The following DMRT2 variants were observed in gnomAD, a reference collection of about 807,000 sequenced individuals.
DMRT2 encodes doublesex- and mab-3-related transcription factor 2.
In DMRT2, 33 loss-of-function variants were observed where a neutral mutation model predicts 43.5. That is an observed-to-expected ratio of 0.76 (90% confidence interval 0.58 to 1.01). DMRT2 has a LOEUF of 1.01. DMRT2 is among the 50% of genes least tolerant of loss of function. DMRT2 has a pLI of 0.00. For missense variants in DMRT2, 1,064 were observed against 748.0 expected, an observed-to-expected ratio of 1.42 and a Z score of -4.93; for synonymous variants, 395 against 309.2, an observed-to-expected ratio of 1.28 and a Z score of -2.91.
At position 1,051,673 on chromosome 9, in the gene DMRT2, G is replaced by A. The variant is rs1186897818; in HGVS notation, c.60G>A (p.Leu20=). ...ACTGGGAGATCGATGTCGAGAGCCT[G>A]GAGCTGGAAGAGGACGTCTGCGGGG... ...AGDWEIDVES[L]ELEEDVCGAP... Residue 20 remains leucine, a synonymous_variant, in exon 2 of 4, where the codon CTG becomes CTA. Coordinates refer to ENST00000358146, the MANE Select transcript of DMRT2 (RefSeq NM_181872.6). This position sits in a 1 kb window ranked among gnomAD's most constrained non-coding sequence, Gnocchi z 5.9. 2.5e-6 allele frequency: 4 copies of A among 1,570,534 alleles called. No homozygotes were observed. Among genetic ancestry groups the A allele is most frequent in the Middle Eastern group, 1.7e-4 (1 of 5,972 alleles).
At chr9:1,053,626 G>A in intron 2 of DMRT2, 96 bp from the exon 3 acceptor site, 4 of 1,031,864 alleles carry the variant, frequency 3.9e-6, no homozygotes, top group East Asian at 2.4e-5. Context: ...TTAGAAGGGG[G>A]AGAGTTTCTA....
Position 1,057,352 on chromosome 9 carries a change from G to A in DMRT2, c.*79G>A. 1.4e-6 allele frequency: 2 copies of A among 1,447,664 alleles called. No individual in the cohort carries two copies. The highest frequency in any genetic ancestry group is 1.8e-6 in the Non-Finnish European group (2 of 1,088,050). 89.7% of individuals were successfully genotyped at this position (1,447,664 alleles called of 1,614,324 possible). On this transcript the variant is annotated 3_prime_UTR_variant, in exon 4 of 4. Transcript: ENST00000358146. Reference sequence around the variant, plus strand: ...ATTTGCTACTTTTTTTAAAAGTTAAGATGTTTGTGTAAAGAAATTTCTAAT... The same window carrying A: ...ATTTGCTACTTTTTTTAAAAGTTAAAATGTTTGTGTAAAGAAATTTCTAAT...
intron 2 of DMRT2, among the ~76,000 whole-genome samples, chr9:1,052,633 T>A (rs1821680034): frequency 6.6e-6 from 1 of 151,982 alleles, no homozygotes; most frequent in South Asian, 2.1e-4. Context: ...ATTTTATGGA[T>A]GAGACACAAA....
In DMRT2 at chr9:1,057,516, A is replaced by G. The variant is rs953265783; in HGVS notation, c.*243A>G. The G allele has an allele frequency of 8.2e-5, 35 of 429,384 alleles. No homozygotes were observed. Among genetic ancestry groups the G allele is most frequent in the Non-Finnish European group, 1.3e-4 (31 of 245,260 alleles). 26.6% of individuals were successfully genotyped at this position (429,384 alleles called of 1,614,324 possible). ...ACCACACTTTACACAGCATTTCAAAAAGCAATAAAATTGACACTGTCTTCT... is the reference window on the plus strand; with the variant it reads ...ACCACACTTTACACAGCATTTCAAAGAGCAATAAAATTGACACTGTCTTCT... On this transcript the variant is annotated 3_prime_UTR_variant, in exon 4 of 4. Coordinates refer to ENST00000358146, the MANE Select transcript of DMRT2 (RefSeq NM_181872.6).
At chr9:1,053,626 G>C (rs1244656736) in intron 2 of DMRT2, 96 bp from the exon 3 acceptor site, 1 of 1,031,746 alleles carries the variant, frequency 9.7e-7, no homozygotes, top group African/African-American at 1.6e-5. Context: ...TTAGAAGGGG[G>C]AGAGTTTCTA....
rs746436667 is a variant in DMRT2, at chr9:1,057,127, T to G, written c.1540T>G (p.Tyr514Asp). ...RECLVKDNQKYTFTIDRCAKD... is the reference protein window; with the variant it reads ...RECLVKDNQKDTFTIDRCAKD... Reference sequence around the variant, plus strand: ...GTGTTTAGTTAAGGACAACCAGAAGTACACATTTACAATAGATAGATGTGC... The same window carrying G: ...GTGTTTAGTTAAGGACAACCAGAAGGACACATTTACAATAGATAGATGTGC... The change falls in exon 4 of 4, where the codon TAC becomes GAC. Residue 514 changes from tyrosine to aspartate, a missense_variant. Transcript: ENST00000358146. The G allele has an allele frequency of 6.2e-7, 1 of 1,614,028 alleles. No homozygotes were observed. The highest frequency in any genetic ancestry group is 1.1e-5 in the South Asian group (1 of 91,074).
At chr9:1,053,938 T>C in intron 3 of DMRT2, 114 bp downstream of exon 3, 1 of 855,462 alleles carries the variant, frequency 1.2e-6, no homozygotes, top group Non-Finnish European at 1.7e-6. Context: ...GAAAGTACTT[T>C]TTATTAGAAA....
In DMRT2 at chr9:1,050,594, C is replaced by T. The variant is rs1586728357; in HGVS notation, c.-226C>T. The stretch of plus-strand genomic sequence containing the variant: ...TTCCTCCCTCCTTCCCTCCACCTAC[C>T]TTCTCCCTCCCCCTCCACCATCCAG... On this transcript the variant is annotated 5_prime_UTR_variant, in exon 1 of 4. Transcript: ENST00000358146. The T allele has an allele frequency of 6.5e-6, 1 of 152,676 alleles. No individual in the cohort carries two copies. Among genetic ancestry groups the T allele is most frequent in the African/African-American group, 2.4e-5 (1 of 41,462 alleles). The allele number at this position is 152,676 out of a possible 1,614,324, so 9.5% of individuals were successfully genotyped here.
rs1821980346 is a variant in DMRT2 at position 1,056,303 on chromosome 9, C to T, written c.716C>T (p.Ala239Val). 2 of 1,614,132 alleles carry T rather than the reference C, an allele frequency of 1.2e-6. No homozygotes were observed. Among genetic ancestry groups the T allele is most frequent in the Non-Finnish European group, 1.7e-6 (2 of 1,180,032 alleles). Residue 239 changes from alanine to valine, a missense_variant, in exon 4 of 4, where the codon GCC (alanine) becomes GTC (valine). Transcript: ENST00000358146. ...AGTGACAGGATGAGGAAAAGAAGAG[C>T]CTTTGCTGATAAAGAGTTGGAGAAC... Reference protein sequence around the residue: ...PVSDRMRKRRAFADKELENIM... With the variant: ...PVSDRMRKRRVFADKELENIM...
rs755113123 is a variant in DMRT2 at position 1,057,037 on chromosome 9, G to T, written c.1450G>T (p.Gly484Cys). The T allele has an allele frequency of 6.2e-7, 1 of 1,614,130 alleles. No individual in the cohort carries two copies. Among genetic ancestry groups the T allele is most frequent in the Non-Finnish European group, 8.5e-7 (1 of 1,180,030 alleles). The change falls in exon 4 of 4, where the codon GGT (glycine) becomes TGT (cysteine). Residue 484 changes from glycine (G) to cysteine (C), a missense_variant. Gly to Cys is a radical substitution (Grantham distance 159). Transcript: ENST00000358146. ...CCAGCAAACACTTACTGACAAATCG[G>T]GTCCTGAGTTGAAAACACCATTTGT... is the stretch of plus-strand genomic sequence containing the variant. Reference protein sequence around the residue: ...LFQQTLTDKSGPELKTPFVKE... With the variant: ...LFQQTLTDKSCPELKTPFVKE...
chr9:1,052,374 C>A (rs886155440), intron 2 of DMRT2, among the ~76,000 whole-genome samples: 1 of 152,072 alleles, frequency 6.6e-6, no homozygotes, highest in Admixed American at 6.5e-5. Flanking sequence ...GGCAGAGAGG[C>A]CTTGAAAGTG....
rs781201005 is a variant in DMRT2, at chr9:1,056,583, T to C, written c.996T>C (p.Tyr332=). The change falls in exon 4 of 4, where the codon TAT becomes TAC. Residue 332 remains tyrosine (Y), a synonymous_variant. Coordinates refer to ENST00000358146, the MANE Select transcript of DMRT2 (RefSeq NM_181872.6). The part of the protein sequence containing the change: ...ISSNVSVATT[Y]RQYPLSSRFL... Reference sequence around the variant, plus strand: ...CTAATGTCAGCGTGGCCACAACTTATAGACAGTATCCCTTGTCCTCAAGAT... The same window carrying C: ...CTAATGTCAGCGTGGCCACAACTTACAGACAGTATCCCTTGTCCTCAAGAT... 7.4e-6 allele frequency: 12 copies of C among 1,614,122 alleles called. No individual in the cohort carries two copies. The highest frequency in any genetic ancestry group is 6.6e-5 in the South Asian group (6 of 91,092).
At chr9:1,052,512 C>T (rs546363146) in intron 2 of DMRT2, among the ~76,000 whole-genome samples, 1 of 152,140 alleles carries the variant, frequency 6.6e-6, no homozygotes. Context: ...CGGCGTGCAG[C>T]TCCAGGCTCG....
rs146546123 is a variant in DMRT2, at chr9:1,056,424, C to G, written c.837C>G (p.Asp279Glu). 6.2e-7 allele frequency: 1 copy of G among 1,614,092 alleles called. No individual in the cohort carries two copies. Among genetic ancestry groups the G allele is most frequent in the Non-Finnish European group, 8.5e-7 (1 of 1,180,044 alleles). Residue 279 changes from aspartate to glutamate, a missense_variant, in exon 4 of 4, where the codon GAC (aspartate) becomes GAG (glutamate). By Grantham distance (45) the Asp-to-Glu change is conservative. Transcript: ENST00000358146. ...CCAACCGCATGGTGCCTGGACCTGA[C>G]TACAATTCCTACAAAAGTGCCTACA... ...FLPNRMVPGPDYNSYKSAYSP... is the reference protein window; with the variant it reads ...FLPNRMVPGPEYNSYKSAYSP...
chr9:1,056,933 G>C lies in DMRT2; in HGVS notation c.1346G>C (p.Gly449Ala). Residue 449 changes from glycine to alanine, a missense_variant, in exon 4 of 4, where the codon GGG (glycine) becomes GCG (alanine). Coordinates refer to ENST00000358146, the MANE Select transcript of DMRT2 (RefSeq NM_181872.6). ...GACACGGACTCCCTGGCAGCTCAAG[G>C]GCATGTCTTAACGAAGATCAGCAAA... The part of the protein sequence containing the change: ...IVDTDSLAAQ[G>A]HVLTKISKEN... The C allele has an allele frequency of 6.2e-7, 1 of 1,614,092 alleles. No individual in the cohort carries two copies. The highest frequency in any genetic ancestry group is 8.5e-7 in the Non-Finnish European group (1 of 1,180,026).
At position 1,056,221 on chromosome 9, in the gene DMRT2, C is replaced by T. The variant is rs771880057; in HGVS notation, c.634C>T (p.Arg212Cys). ...GCAATCTTTGCTTCTTGTAGGCTAT[C>T]GCCCCATTCCAGCGGAGACTTATGT... Reference protein sequence around the residue: ...LLAKSILEGYRPIPAETYVGG... With the variant: ...LLAKSILEGYCPIPAETYVGG... Residue 212 changes from arginine to cysteine, a missense_variant, in exon 4 of 4, where the codon CGC becomes TGC. Coordinates refer to ENST00000358146, the MANE Select transcript of DMRT2 (RefSeq NM_181872.6). The T allele has an allele frequency of 1.1e-5, 17 of 1,603,888 alleles. No individual in the cohort carries two copies. The highest frequency in any genetic ancestry group is 5.4e-5 in the African/African-American group (4 of 74,080).
rs1353619421 is a variant in DMRT2 at position 1,056,335 on chromosome 9, C to G, written c.748C>G (p.Leu250Val). The change falls in exon 4 of 4, where the codon CTG becomes GTG. Residue 250 changes from leucine to valine, a missense_variant. By Grantham distance (32) the Leu-to-Val change is conservative. Transcript: ENST00000358146. ...FADKELENIM[L>V]EREYKEREML... ...TGATAAAGAGTTGGAGAACATTATGCTGGAGAGAGAATATAAAGAAAGGGA... is the reference window on the plus strand; with the variant it reads ...TGATAAAGAGTTGGAGAACATTATGGTGGAGAGAGAATATAAAGAAAGGGA... 29 of 1,614,020 alleles carry G rather than the reference C, an allele frequency of 1.8e-5. No individual in the cohort carries two copies. Among genetic ancestry groups the G allele is most frequent in the Non-Finnish European group, 2.5e-5 (29 of 1,180,034 alleles).
chr9:1,056,655 C>T lies in DMRT2; in HGVS notation c.1068C>T (p.Tyr356=), dbSNP rs1203340466. 1 of 1,614,074 alleles carries T rather than the reference C, an allele frequency of 6.2e-7. No individual in the cohort carries two copies. The highest frequency in any genetic ancestry group is 8.5e-7 in the Non-Finnish European group (1 of 1,180,052). Residue 356 remains tyrosine (Y), a synonymous_variant, in exon 4 of 4, where the codon TAC becomes TAT. Transcript: ENST00000358146. ...KCGPISDTLL[Y]QQCLLNATTS... is the part of the protein sequence containing the mutation. ...GCCCCATTAGCGACACCCTCCTCTA[C>T]CAGCAATGCCTGCTAAATGCCACCA...
chr9:1,052,152 C>G lies in DMRT2; in HGVS notation c.525+14C>G, dbSNP rs1467163189. Reference sequence around the variant, plus strand: ...CAGGCCACCGAGGTGCGTACCCGCCCGGCCCGGGCGTCTCAGGCCACAGTG... The same window carrying G: ...CAGGCCACCGAGGTGCGTACCCGCCGGGCCCGGGCGTCTCAGGCCACAGTG... On this transcript the variant is annotated intron_variant, in intron 2 of 3. Transcript: ENST00000358146. 1.5e-6 allele frequency: 2 copies of G among 1,364,726 alleles called. No individual in the cohort carries two copies. Among genetic ancestry groups the G allele is most frequent in the East Asian group, 3.1e-5 (1 of 32,288 alleles). 84.5% of individuals were successfully genotyped at this position (1,364,726 alleles called of 1,614,324 possible). A position where few individuals can be genotyped will look rare whatever the true frequency, so the allele number is the denominator to read the frequency against.
Sources: gnomAD v4.1 joint callset for allele counts (sites outside exome capture counted in the v4.1 genomes callset) on GRCh38, gnomAD v4.1.1 for gene constraint, Gnocchi (gnomAD v3.1) non-coding constraint, MANE v1.5 for transcripts, NCBI Gene and HGNC (gene_info 2026-07-23, HGNC 2026-07-21) for gene names.